Variants in CXCL12 observed in about 807,000 individuals in gnomAD.
CXCL12 encodes C-X-C motif chemokine ligand 12.
In CXCL12, 4 loss-of-function variants were observed where a neutral mutation model predicts 10.7. The observed-to-expected ratio is 0.37, with a 90% CI of 0.18 to 0.86. The LOEUF (loss-of-function observed/expected upper bound fraction) is 0.86, where lower values mean the gene tolerates loss of function less well. Among genes scored for constraint, CXCL12 ranks in the 40% least tolerant of loss-of-function variants. The pLI is 0.43. For synonymous variants in CXCL12, 54 were observed against 45.4 expected, an observed-to-expected ratio of 1.19 and a Z score of -0.77; for missense variants, 122 against 110.4, an observed-to-expected ratio of 1.10 and a Z score of -0.47.
At chr10:44,384,455 C>T (rs1315651430) in intron 1 of CXCL12, among the ~76,000 whole-genome samples, 1 of 152,218 alleles carries the variant, frequency 6.6e-6, no homozygotes, top group Non-Finnish European at 1.5e-5. Context: ...CATCGGACCT[C>T]ACAGCCTCAA....
chr10:44,373,197 A>G (rs1337393899), downstream of CXCL12: 1 of 1,542,056 alleles, frequency 6.5e-7, no homozygotes, highest in African/African-American at 1.4e-5. Flanking sequence ...AATATGGCAA[A>G]GTGTGCAAAA....
downstream of CXCL12, chr10:44,376,174 G>T: frequency 2.5e-6 from 2 of 792,666 alleles, no homozygotes; most frequent in Non-Finnish European, 4.0e-6. Context: ...TCAAAGCACT[G>T]TTTATCAGTA....
At chr10:44,375,291 C>T (rs891237046), downstream of CXCL12, among the ~76,000 whole-genome samples, 2 of 152,230 alleles carry the variant, frequency 1.3e-5, no homozygotes, top group African/African-American at 4.8e-5. Flanking sequence ...CCCACCCGGG[C>T]TTGGGGATAA....
downstream of CXCL12, chr10:44,373,317 G>A (rs369188947): frequency 7.8e-5 from 125 of 1,607,236 alleles, no homozygotes; most frequent in South Asian, 9.1e-4. Context: ...TTCCTCAGGC[G>A]TCTGACCCTC....
intron 1 of CXCL12, among the ~76,000 whole-genome samples, chr10:44,382,905 C>G (rs1470686501): frequency 6.6e-6 from 1 of 152,218 alleles, no homozygotes; most frequent in Admixed American, 6.5e-5. Context: ...CCCAACCGTT[C>G]TGGATGTAAA....
chr10:44,383,120 C>T (rs956833176), intron 1 of CXCL12, among the ~76,000 whole-genome samples: 1 of 152,232 alleles, frequency 6.6e-6, no homozygotes, highest in African/African-American at 2.4e-5. Context: ...TGACGGAAGT[C>T]AGCCAATGGG....
At chr10:44,372,089 A>C (rs1223447222), downstream of CXCL12, 1 of 152,302 alleles carries the variant, frequency 6.6e-6, no homozygotes, top group African/African-American at 2.4e-5. Context: ...CAAATGGTGA[A>C]GAAGATGAGG....
At chr10:44,382,344 G>A (rs915000024) in intron 1 of CXCL12, among the ~76,000 whole-genome samples, 3 of 152,158 alleles carry the variant, frequency 2.0e-5, no homozygotes, top group African/African-American at 7.2e-5. Flanking sequence ...CCAGGGCCGG[G>A]GCCTGCAGCC....
At chr10:44,384,909 G>A in intron 1 of CXCL12, 36 bp downstream of exon 1, 1 of 1,510,676 alleles carries the variant, frequency 6.6e-7, no homozygotes, top group Non-Finnish European at 8.8e-7. Context: ...CCGAAGCCCA[G>A]AGCCTCGCCA....
rs1386253693 is a variant in CXCL12 at position 44,385,023 on chromosome 10, G to A, written c.-18C>T. On this transcript the variant is annotated 5_prime_UTR_variant, in exon 1 of 3. Transcript: ENST00000343575. The stretch of plus-strand genomic sequence containing the variant: ...GCGTTCATGGCGCGGGCGGGCGGGC[G>A]GGCGGGCGGACGAGCGCGGGTCGGG... 10 of 1,363,350 alleles carry A rather than the reference G, an allele frequency of 7.3e-6. No individual in the cohort carries two copies. The highest frequency in any genetic ancestry group is 1.3e-5 in the South Asian group (1 of 75,570). The allele number at this position is 1,363,350 out of a possible 1,614,324, so 84.5% of individuals were successfully genotyped here.
chr10:44,381,453 G>A (rs1839629431), intron 1 of CXCL12, among the ~76,000 whole-genome samples: 1 of 152,192 alleles, frequency 6.6e-6, no homozygotes, highest in African/African-American at 2.4e-5. Flanking sequence ...ATCCTGGCTG[G>A]CTTCCTACCT....
Position 44,378,741 on chromosome 10 carries a change from C to T in CXCL12, c.180-18G>A. On this transcript the variant is annotated intron_variant, in intron 2 of 2. Coordinates refer to ENST00000343575, the MANE Select transcript of CXCL12 (RefSeq NM_199168.4). ...GCCGGGCTCTGTGAAAACAGAATGG[C>T]AACAGTGTGCGGCTGCACAGGAGGA... 1 of 1,613,546 alleles carries T rather than the reference C, an allele frequency of 6.2e-7. No individual in the cohort carries two copies.
chr10:44,378,869 C>A (rs1241303718), intron 2 of CXCL12, 146 bp from the exon 3 acceptor site: 10 of 765,796 alleles, frequency 1.3e-5, no homozygotes. Context: ...GAGGTGCTCG[C>A]GGTGTGCTGG....
intron 1 of CXCL12, 22 bp downstream of exon 1, chr10:44,384,923 C>T (rs753052541): frequency 1.3e-6 from 2 of 1,542,546 alleles, no homozygotes; most frequent in East Asian, 2.5e-5. Context: ...CTCGCCAGGG[C>T]CTCCCCGCCG....
intron 1 of CXCL12, among the ~76,000 whole-genome samples, chr10:44,381,998 T>C (rs1485307502): frequency 2.0e-5 from 3 of 152,144 alleles, no homozygotes; most frequent in African/African-American, 4.8e-5. Flanking sequence ...GGGGCTCATT[T>C]TATTTTATTT....
chr10:44,372,993 C>A, downstream of CXCL12: 1 of 1,535,992 alleles, frequency 6.5e-7, no homozygotes, highest in Non-Finnish European at 8.7e-7. Flanking sequence ...GCCCAGTCTC[C>A]CCACCTGCAC....
intron 1 of CXCL12, among the ~76,000 whole-genome samples, chr10:44,381,239 T>TA (rs1028284368): frequency 1.4e-4 from 21 of 152,176 alleles, no homozygotes; most frequent in South Asian, 4.2e-4. Context: ...TTACTCTTTG[T>TA]AAAAAAAATT....
chr10:44,377,621 A>C lies in CXCL12; in HGVS notation c.*1012T>G. On this transcript the variant is annotated 3_prime_UTR_variant, in exon 3 of 3. Coordinates refer to ENST00000343575, the MANE Select transcript of CXCL12 (RefSeq NM_199168.4). ...GATTTCGGAAACCTCAGAGTTTGTT[A>C]GTGCCTCCATGGCATACATAGGCTT... is the stretch of plus-strand genomic sequence containing the variant. 6.6e-7 allele frequency: 1 copy of C among 1,520,438 alleles called. No individual in the cohort carries two copies. The highest frequency in any genetic ancestry group is 8.8e-7 in the Non-Finnish European group (1 of 1,141,536). 94.2% of individuals were successfully genotyped at this position (1,520,438 alleles called of 1,614,324 possible). A position where few individuals can be genotyped will look rare whatever the true frequency, so the allele number is the denominator to read the frequency against.
downstream of CXCL12, chr10:44,371,537 T>C: frequency 5.6e-6 from 1 of 179,020 alleles, no homozygotes; most frequent in South Asian, 8.9e-5. Flanking sequence ...ATAACATAGC[T>C]GGATTGAGGA....
Sources: allele counts gnomAD v4.1 joint callset (sites outside exome capture counted in the v4.1 genomes callset), GRCh38; gene constraint gnomAD v4.1.1; transcripts MANE v1.5; gene names NCBI Gene and HGNC (gene_info 2026-07-23, HGNC 2026-07-21).